Variants in WDR26 observed in about 807,000 individuals in gnomAD.
WDR26 encodes the protein WD repeat-containing protein 26.
A neutral mutation model predicts 84.1 loss-of-function variants in WDR26; 5 were observed. The ratio of observed to expected loss-of-function variants is 0.06; its 90% CI spans 0.03 to 0.13. The LOEUF is 0.13. WDR26 is among the 10% of genes least tolerant of loss of function. WDR26 has a pLI of 1.00. For synonymous variants in WDR26, 415 were observed against 389.6 expected, an observed-to-expected ratio of 1.07 and a Z score of -0.77; for missense variants, 642 against 974.9, an observed-to-expected ratio of 0.66 and a Z score of 4.55.
intron 1 of WDR26, 133 bp downstream of exon 1, chr1:224,433,551 C>G: frequency 7.8e-7 from 1 of 1,275,694 alleles, no homozygotes; most frequent in Non-Finnish European, 1.0e-6. Context: ...GTACTGGGTC[C>G]TGCGTGCCCA....
In WDR26 at chr1:224,398,502, C is replaced by G; in HGVS notation, c.1944+13G>C. On this transcript the variant is annotated intron_variant, in intron 11 of 13. Coordinates refer to ENST00000414423, the MANE Select transcript of WDR26 (RefSeq NM_001379403.1). ...AAGCCAAATTTTTCAGAAAATTATA[C>G]TAATAAACATACCTGAGTTGCTACA... The G allele has an allele frequency of 6.3e-7, 1 of 1,593,038 alleles. No homozygotes were observed. Among genetic ancestry groups the G allele is most frequent in the African/African-American group, 1.4e-5 (1 of 73,942 alleles).
Position 224,393,963 on chromosome 1 carries a change from G to C in WDR26, c.2125C>G (p.Leu709Val). 1 of 1,551,726 alleles carries C rather than the reference G, an allele frequency of 6.4e-7. No homozygotes were observed. Among genetic ancestry groups the C allele is most frequent in the Middle Eastern group, 1.7e-4 (1 of 5,794 alleles). ...TTTACTGTACGTGTGTGCCCTGTCA[G>C]CTCCGCAATTGGCAGTTCACTACGT... The change falls in exon 13 of 14, where the codon CTG becomes GTG. Residue 709 changes from leucine (L) to valine (V), a missense_variant. By Grantham distance (32) the Leu-to-Val change is conservative. Coordinates refer to ENST00000414423, the MANE Select transcript of WDR26 (RefSeq NM_001379403.1).
chr1:224,404,321 G>A, intron 8 of WDR26, 109 bp downstream of exon 8: 1 of 1,318,714 alleles, frequency 7.6e-7, no homozygotes, highest in South Asian at 1.8e-5. Flanking sequence ...ATACAGTATA[G>A]TAATTTAGGT....
rs1175326748 is a variant in WDR26, at chr1:224,419,375, G to C, written c.1162+143C>G. 15 of 662,394 alleles carry C rather than the reference G, an allele frequency of 2.3e-5. No homozygotes were observed. The Admixed American group carries it at 3.8e-4, about 17-fold the overall frequency. 41.0% of individuals were successfully genotyped at this position (662,394 alleles called of 1,614,324 possible). On this transcript the variant is annotated intron_variant, in intron 5 of 13. Coordinates refer to ENST00000414423, the MANE Select transcript of WDR26 (RefSeq NM_001379403.1). ...GGTTAGCTTCTTAGACTCCATGACA[G>C]AGTCTGAAAAACTGGATTCTCCCTC... is the stretch of plus-strand genomic sequence containing the variant.
At chr1:224,410,893 T>C (rs1464175080) in intron 7 of WDR26, among the ~76,000 whole-genome samples, 1 of 152,042 alleles carries the variant, frequency 6.6e-6, no homozygotes, top group African/African-American at 2.4e-5. Flanking sequence ...CTCTCCTCTA[T>C]GTTGTCCAGG....
intron 7 of WDR26, among the ~76,000 whole-genome samples, chr1:224,407,151 AAT>A (rs1335487396): frequency 0.011 from 126 of 11,882 alleles, 7 homozygotes; most frequent in African/African-American, 0.028. Flanking sequence ...AAAAAAAAAA[AAT>A]ATATATATAT....
intron 13 of WDR26, among the ~76,000 whole-genome samples, chr1:224,390,162 T>C (rs1303263291): frequency 6.6e-6 from 1 of 152,220 alleles, no homozygotes; most frequent in Non-Finnish European, 1.5e-5. Context: ...GATCCCACTC[T>C]GCTGCTCAGG....
chr1:224,396,639 C>CGTCA (rs1673268545), intron 12 of WDR26, among the ~76,000 whole-genome samples: 1 of 152,192 alleles, frequency 6.6e-6, no homozygotes, highest in African/African-American at 2.4e-5. Flanking sequence ...TCTCATCTGA[C>CGTCA]GCTGATTTTC....
chr1:224,409,593 G>A (rs990948632), intron 7 of WDR26, among the ~76,000 whole-genome samples: 2 of 152,152 alleles, frequency 1.3e-5, no homozygotes, highest in African/African-American at 4.8e-5. Flanking sequence ...TGGGAATGGC[G>A]ACTCACGCCA....
At chr1:224,391,985 C>G (rs1673138432) in intron 13 of WDR26, among the ~76,000 whole-genome samples, 1 of 152,158 alleles carries the variant, frequency 6.6e-6, no homozygotes, top group Non-Finnish European at 1.5e-5. Context: ...AAATTTGGCT[C>G]ACTCACCAAA....
chr1:224,411,297 GTAAAAATGAT>G, intron 7 of WDR26, 120 bp downstream of exon 7: 2 of 986,670 alleles, frequency 2.0e-6, no homozygotes, highest in Non-Finnish European at 2.8e-6. Flanking sequence ...ACATGAAGAT[GTAAAAATGAT>G]AAAAAATGCT....
chr1:224,406,071 T>C (rs1171432587), intron 7 of WDR26, among the ~76,000 whole-genome samples: 2 of 152,096 alleles, frequency 1.3e-5, no homozygotes, highest in African/African-American at 2.4e-5. Context: ...AATCAAAAGA[T>C]ATTTTGGGCT....
Position 224,433,884 on chromosome 1 carries a change from C to G in WDR26, c.522G>C (p.Leu174=). 1 of 1,536,992 alleles carries G rather than the reference C, an allele frequency of 6.5e-7. No homozygotes were observed. The highest frequency in any genetic ancestry group is 8.7e-7 in the Non-Finnish European group (1 of 1,146,786). Residue 174 remains leucine (L), a synonymous_variant, in exon 1 of 14, where the codon CTG becomes CTC. Coordinates refer to ENST00000414423, the MANE Select transcript of WDR26 (RefSeq NM_001379403.1). ...CGCCGGGAACCCCGTTATTGACATT[C>G]AGGCTGTTGCTATTGTTGCTGGCGG...
Position 224,434,312 on chromosome 1 carries a change from G to C in WDR26, c.94C>G (p.Arg32Gly), listed in dbSNP as rs2102931477. ...CCTACTCCCTCCGCCGCCGAGGCTC[G>C]GGGTTTCTTCCGCGGGGGCGGGGAG... The change falls in exon 1 of 14, where the codon CGA (arginine) becomes GGA (glycine). Residue 32 changes from arginine (R) to glycine (G), a missense_variant. Arg to Gly is a moderately radical substitution (Grantham distance 125). Transcript: ENST00000414423. The C allele has an allele frequency of 1.6e-6, 2 of 1,233,040 alleles. No homozygotes were observed. Among genetic ancestry groups the C allele is most frequent in the Admixed American group, 4.1e-5 (1 of 24,130 alleles). 76.4% of individuals were successfully genotyped at this position (1,233,040 alleles called of 1,614,324 possible). A position where few individuals can be genotyped will look rare whatever the true frequency, so the allele number is the denominator to read the frequency against.
intron 6 of WDR26, among the ~76,000 whole-genome samples, chr1:224,415,666 T>C (rs998947739): frequency 3.1e-4 from 47 of 152,236 alleles, no homozygotes; most frequent in African/African-American, 1.1e-3. Context: ...TTACACCATT[T>C]TAGCCAGGAT....
Position 224,433,963 on chromosome 1 carries a change from G to A in WDR26, c.443C>T (p.Ser148Leu), listed in dbSNP as rs1674505096. The A allele has an allele frequency of 6.5e-7, 1 of 1,531,550 alleles. No homozygotes were observed. Among genetic ancestry groups the A allele is most frequent in the Non-Finnish European group, 8.7e-7 (1 of 1,142,996 alleles). The allele number at this position is 1,531,550 out of a possible 1,614,324, so 94.9% of individuals were successfully genotyped here. ...GGCGTGGGCCAGGTCCCCCGCGGAC[G>A]ACGACGACGAGGGGGACGACTCCCC... Residue 148 changes from serine to leucine, a missense_variant, in exon 1 of 14, where the codon TCG becomes TTG. By Grantham distance (145) the Ser-to-Leu change is moderately radical (BLOSUM62 -2). Transcript: ENST00000414423.
At chr1:224,422,546 T>C (rs1674094352) in intron 4 of WDR26, among the ~76,000 whole-genome samples, 2 of 152,106 alleles carry the variant, frequency 1.3e-5, no homozygotes, top group Admixed American at 1.3e-4. Flanking sequence ...TGAGACCCCA[T>C]CTCTACTAAA....
intron 1 of WDR26, among the ~76,000 whole-genome samples, chr1:224,432,915 C>T (rs1674438319): frequency 6.6e-6 from 1 of 152,188 alleles, no homozygotes; most frequent in African/African-American, 2.4e-5. Flanking sequence ...TCTACCTTCA[C>T]CCTATGTTAG....
intron 7 of WDR26, among the ~76,000 whole-genome samples, chr1:224,409,534 T>C (rs1673673065): frequency 6.6e-6 from 1 of 152,172 alleles, no homozygotes; most frequent in Non-Finnish European, 1.5e-5. Context: ...TATGCAAGAA[T>C]TGGTGTATGC....
Sources: allele counts gnomAD v4.1 joint callset (sites outside exome capture counted in the v4.1 genomes callset), GRCh38; gene constraint gnomAD v4.1.1; transcripts MANE v1.5; gene names NCBI Gene and HGNC (gene_info 2026-07-23, HGNC 2026-07-21).